Variants in HS6ST3 observed in about 807,000 individuals in gnomAD.
HS6ST3 encodes the protein heparan-sulfate 6-O-sulfotransferase 3.
Under a neutral mutation model 36.7 loss-of-function variants are expected in HS6ST3, and 12 were observed. The observed-to-expected ratio is 0.33, with a 90% CI of 0.21 to 0.53. The LOEUF is 0.53. Among genes scored for constraint, HS6ST3 ranks in the 20% least tolerant of loss-of-function variants. The pLI is 0.95. For missense variants in HS6ST3, 584 were observed against 640.9 expected (o/e 0.91, Z 0.96); for synonymous variants, 240 against 257.5 (o/e 0.93, Z 0.65).
chr13:96,509,886 C>A (rs556623098), intron 1 of HS6ST3, among the ~76,000 whole-genome samples: 3 of 151,956 alleles, frequency 2.0e-5, no homozygotes, highest in African/African-American at 7.2e-5. Flanking sequence ...GAAAAATTAT[C>A]TTGGTATTTT....
chr13:96,118,659 T>G (rs2053906081), intron 1 of HS6ST3, among the ~76,000 whole-genome samples: 3 of 3,388 alleles, frequency 8.9e-4, no homozygotes, highest in Non-Finnish European at 1.7e-3. Context: ...TATATATATA[T>G]ATATATATAT....
rs2054650872 is a variant in HS6ST3, at chr13:96,258,907, G to A, written c.707+167338G>A. 2.0e-5 allele frequency among the ~76,000 whole-genome samples: 3 copies of A among 152,238 alleles called. No homozygotes were observed. The South Asian group carries it at 6.2e-4, about 32-fold the overall frequency. The stretch of plus-strand genomic sequence containing the variant: ...AGAATTACATGGTAATGAGTGCACT[G>A]TAGAGTCTGTAGAAGGGATTATGGG... On this transcript the variant is annotated intron_variant, in intron 1 of 1. Transcript: ENST00000376705.
At chr13:96,283,497 T>C (rs896534569) in intron 1 of HS6ST3, among the ~76,000 whole-genome samples, 1 of 152,168 alleles carries the variant, frequency 6.6e-6, no homozygotes, top group African/African-American at 2.4e-5. Context: ...ACTGGAACAA[T>C]TCTGTTGCAT....
In HS6ST3 at chr13:96,091,092, G is replaced by T; in HGVS notation, c.230G>T (p.Gly77Val). Residue 77 changes from glycine (G) to valine (V), a missense_variant, in exon 1 of 2, where the codon GGG becomes GTG. Gly to Val is a moderately radical substitution (Grantham distance 109, BLOSUM62 -3). Around this residue, in one of 3 missense-constraint regions of HS6ST3, gnomAD observed 217 missense variants for 205.4 expected, o/e 1.06. Coordinates refer to ENST00000376705, the MANE Select transcript of HS6ST3 (RefSeq NM_153456.4). ...RRPQLPPPPR[G>V]PPEGPRGAAA... ...CCCCAGTTGCCCCCGCCGCCCCGGGGGCCCCCCGAGGGACCTCGGGGGGCC... is the reference window on the plus strand; with the variant it reads ...CCCCAGTTGCCCCCGCCGCCCCGGGTGCCCCCCGAGGGACCTCGGGGGGCC... 1 of 1,301,812 alleles carries T rather than the reference G, an allele frequency of 7.7e-7. No homozygotes were observed. The highest frequency in any genetic ancestry group is 9.7e-7 in the Non-Finnish European group (1 of 1,029,948). The allele number at this position is 1,301,812 out of a possible 1,614,324, so 80.6% of individuals were successfully genotyped here.
intron 1 of HS6ST3, among the ~76,000 whole-genome samples, chr13:96,092,302 TTAAG>T (rs2053768831): frequency 6.6e-6 from 1 of 152,182 alleles, no homozygotes; most frequent in African/African-American, 2.4e-5. Flanking sequence ...GTGCTAGGTG[TTAAG>T]TGAGTATAAA....
intron 1 of HS6ST3, among the ~76,000 whole-genome samples, chr13:96,104,871 C>T (rs2053834017): frequency 6.6e-6 from 1 of 152,044 alleles, no homozygotes; most frequent in Non-Finnish European, 1.5e-5. Context: ...CCAGGGATCT[C>T]CCAGGGAGCA....
chr13:96,610,583 G>A (rs1427577187), intron 1 of HS6ST3, among the ~76,000 whole-genome samples: 1 of 152,070 alleles, frequency 6.6e-6, no homozygotes, highest in African/African-American at 2.4e-5. Context: ...ATACCTTGGT[G>A]TCCAGAAAGA....
intron 1 of HS6ST3, among the ~76,000 whole-genome samples, chr13:96,661,874 A>C (rs2056647634): frequency 6.6e-6 from 1 of 152,126 alleles, no homozygotes; most frequent in African/African-American, 2.4e-5. Context: ...GCAGGATACA[A>C]AATTCTTTTC....
At chr13:96,199,230 C>A (rs1025583568) in intron 1 of HS6ST3, among the ~76,000 whole-genome samples, 1 of 152,168 alleles carries the variant, frequency 6.6e-6, no homozygotes, top group African/African-American at 2.4e-5. Flanking sequence ...ACAGCCAAAC[C>A]ATATTAACAT....
intron 1 of HS6ST3, among the ~76,000 whole-genome samples, chr13:96,736,999 A>G (rs1319218811): frequency 1.3e-5 from 2 of 152,348 alleles, no homozygotes; most frequent in African/African-American, 2.4e-5. Context: ...AAAAAAAATT[A>G]AACTTCTAAC....
chr13:96,680,793 T>C (rs952447810), intron 1 of HS6ST3, among the ~76,000 whole-genome samples: 4 of 152,234 alleles, frequency 2.6e-5, no homozygotes, highest in African/African-American at 9.6e-5. Flanking sequence ...CAGGAAATTA[T>C]ATACTTCATA....
intron 1 of HS6ST3, among the ~76,000 whole-genome samples, chr13:96,704,531 G>A (rs1300537492): frequency 6.6e-6 from 1 of 152,174 alleles, no homozygotes; most frequent in African/African-American, 2.4e-5. Context: ...GTACATAGAA[G>A]CAGTATGTCT....
chr13:96,203,906 A>G (rs1458822606), intron 1 of HS6ST3, among the ~76,000 whole-genome samples: 1 of 152,214 alleles, frequency 6.6e-6, no homozygotes, highest in East Asian at 1.9e-4. Context: ...CACAAAGATT[A>G]CTATCTATTT....
chr13:96,230,130 A>C (rs538706191), intron 1 of HS6ST3, among the ~76,000 whole-genome samples: 1 of 152,168 alleles, frequency 6.6e-6, no homozygotes, highest in African/African-American at 2.4e-5. Flanking sequence ...AGGAGTTTCA[A>C]CTTTATCCTG....
intron 1 of HS6ST3, among the ~76,000 whole-genome samples, chr13:96,507,426 TAAGAA>T (rs1330442856): frequency 2.0e-5 from 3 of 152,116 alleles, no homozygotes; most frequent in African/African-American, 7.2e-5. Context: ...TCTGAGATCC[TAAGAA>T]GAGAGCTCTG....
intron 1 of HS6ST3, among the ~76,000 whole-genome samples, chr13:96,355,398 CACACAA>C (rs1374695909): frequency 2.8e-5 from 3 of 107,806 alleles, no homozygotes; most frequent in South Asian, 3.0e-4. Context: ...CACACACACA[CACACAA>C]ACACACAAAC....
intron 1 of HS6ST3, among the ~76,000 whole-genome samples, chr13:96,673,159 C>G (rs1182385696): frequency 1.3e-5 from 2 of 152,126 alleles, no homozygotes; most frequent in Non-Finnish European, 2.9e-5. Context: ...AGTCTCTCTG[C>G]TAAACCTTCA....
chr13:96,380,866 A>G (rs4771939), intron 1 of HS6ST3, among the ~76,000 whole-genome samples: 135,949 of 152,222 alleles, frequency 0.89, 61,166 homozygotes, highest in African/African-American at 0.97. Flanking sequence ...GTAAGACCTG[A>G]TCGCTACTCA....
intron 1 of HS6ST3, among the ~76,000 whole-genome samples, chr13:96,478,892 A>G (rs551820007): frequency 6.6e-6 from 1 of 152,274 alleles, no homozygotes; most frequent in South Asian, 2.1e-4. Context: ...TTAGACTCTT[A>G]AATCCTTTCT....
Sources: allele counts gnomAD v4.1 joint callset (sites outside exome capture counted in the v4.1 genomes callset), GRCh38; gene constraint gnomAD v4.1.1; regional missense constraint gnomAD v4.1.1; transcripts MANE v1.5; gene names NCBI Gene and HGNC (gene_info 2026-07-23, HGNC 2026-07-21).